LRRTM3: variants seen among roughly 807,000 people sequenced by gnomAD.
The protein encoded by LRRTM3 is leucine-rich repeat transmembrane neuronal protein 3.
A neutral mutation model predicts 44.7 loss-of-function variants in LRRTM3; 24 were observed. That is an observed-to-expected ratio of 0.54 (90% CI 0.39 to 0.76). The LOEUF (loss-of-function observed/expected upper bound fraction) is 0.76. Ranked by LOEUF, LRRTM3 falls within the 30% of genes least tolerant of loss-of-function variation. The pLI is 0.00. For missense variants in LRRTM3, 587 were observed against 702.2 expected (o/e 0.84, Z 1.85); for synonymous variants, 277 against 278.7 (o/e 0.99, Z 0.06).
chr10:66,949,019 T>G (rs1207829936), intron 2 of LRRTM3, among the ~76,000 whole-genome samples: 2 of 152,196 alleles, frequency 1.3e-5, no homozygotes, highest in Non-Finnish European at 2.9e-5. Flanking sequence ...TAGGAGACTC[T>G]GGAAAAAGCA....
chr10:66,972,713 T>C (rs1290254321), intron 2 of LRRTM3, among the ~76,000 whole-genome samples: 1 of 149,114 alleles, frequency 6.7e-6, no homozygotes, highest in Non-Finnish European at 1.5e-5. Flanking sequence ...TTTTTTTTTT[T>C]TTTTTTTTTT....
intron 2 of LRRTM3, among the ~76,000 whole-genome samples, chr10:66,970,794 C>A (rs565590834): frequency 1.8e-4 from 27 of 152,052 alleles, no homozygotes; most frequent in African/African-American, 6.0e-4. Flanking sequence ...TTGAATTATA[C>A]CAAAAAAGAG....
chr10:66,951,375 C>T (rs1027174535), intron 2 of LRRTM3, among the ~76,000 whole-genome samples: 31 of 152,190 alleles, frequency 2.0e-4, no homozygotes, highest in Non-Finnish European at 3.7e-4. Context: ...CTCTGCCTCC[C>T]AGAGTGCTGG....
At chr10:66,976,490 A>G (rs1360474033) in intron 2 of LRRTM3, among the ~76,000 whole-genome samples, 6 of 152,160 alleles carry the variant, frequency 3.9e-5, no homozygotes, top group Non-Finnish European at 8.8e-5. Context: ...CAATAGCCTC[A>G]TTACTAGCCT....
At chr10:67,012,612 T>C (rs1020371676) in intron 2 of LRRTM3, among the ~76,000 whole-genome samples, 7 of 152,276 alleles carry the variant, frequency 4.6e-5, no homozygotes, top group Non-Finnish European at 1.0e-4. Flanking sequence ...CCTACGAAGA[T>C]AAAAATTATC....
At chr10:66,962,955 A>G (rs1450276531) in intron 2 of LRRTM3, among the ~76,000 whole-genome samples, 1 of 150,868 alleles carries the variant, frequency 6.6e-6, no homozygotes, top group Non-Finnish European at 1.5e-5. Context: ...ATAAGGCAAG[A>G]ATTCAATAAG....
intron 2 of LRRTM3, among the ~76,000 whole-genome samples, chr10:67,072,526 C>T (rs978595505): frequency 1.3e-5 from 2 of 152,116 alleles, no homozygotes; most frequent in East Asian, 1.9e-4. Context: ...TTCTCACTTT[C>T]GATATTAAGC....
intron 2 of LRRTM3, among the ~76,000 whole-genome samples, chr10:67,087,693 A>G (rs1019371767): frequency 6.6e-6 from 1 of 151,984 alleles, no homozygotes; most frequent in Non-Finnish European, 1.5e-5. Flanking sequence ...TCTACCTCTA[A>G]GCTAATGTCA....
intron 2 of LRRTM3, among the ~76,000 whole-genome samples, chr10:66,967,945 TG>T (rs1456330503): frequency 1.3e-5 from 2 of 152,146 alleles, no homozygotes; most frequent in Non-Finnish European, 2.9e-5. Context: ...CATTTAGGAA[TG>T]CTTTTTGATG....
intron 2 of LRRTM3, among the ~76,000 whole-genome samples, chr10:67,072,945 G>A (rs2131853361): frequency 6.6e-6 from 1 of 151,768 alleles, no homozygotes; most frequent in East Asian, 1.9e-4. Context: ...AGAAAGATGT[G>A]TGTTTTAGAT....
At chr10:67,014,773 A>G (rs879762055) in intron 2 of LRRTM3, among the ~76,000 whole-genome samples, 24 of 151,764 alleles carry the variant, frequency 1.6e-4, no homozygotes, top group Non-Finnish European at 2.2e-4. Context: ...CATTTATCAG[A>G]AAAAAAACAG....
At chr10:67,086,162 T>G (rs527694069) in intron 2 of LRRTM3, among the ~76,000 whole-genome samples, 228 of 152,030 alleles carry the variant, frequency 1.5e-3, no homozygotes, top group African/African-American at 5.2e-3. Context: ...AACAGTATAT[T>G]TTTTTTCATA....
At chr10:67,024,598 A>G (rs1157937379) in intron 2 of LRRTM3, among the ~76,000 whole-genome samples, 2 of 152,192 alleles carry the variant, frequency 1.3e-5, no homozygotes, top group Non-Finnish European at 2.9e-5. Flanking sequence ...TCATTTTCCT[A>G]ACTTTGAAAG....
intron 2 of LRRTM3, among the ~76,000 whole-genome samples, chr10:67,044,097 T>A (rs1220221013): frequency 6.6e-6 from 1 of 151,920 alleles, no homozygotes; most frequent in Non-Finnish European, 1.5e-5. Flanking sequence ...CCCTCCTCCC[T>A]CTTTCCCCCC....
At chr10:66,934,112 T>G (rs536446286) in intron 2 of LRRTM3, among the ~76,000 whole-genome samples, 14 of 152,256 alleles carry the variant, frequency 9.2e-5, no homozygotes, top group Admixed American at 5.9e-4. Context: ...ACCAAGCAAG[T>G]ACAATGTATT....
chr10:66,969,341 C>T (rs1389349320), intron 2 of LRRTM3, among the ~76,000 whole-genome samples: 3 of 151,996 alleles, frequency 2.0e-5, no homozygotes, highest in African/African-American at 7.3e-5. Flanking sequence ...AAAACTTCTT[C>T]AAAATCATGA....
intron 2 of LRRTM3, among the ~76,000 whole-genome samples, chr10:66,988,187 T>C (rs1850843031): frequency 6.6e-6 from 1 of 152,144 alleles, no homozygotes; most frequent in Non-Finnish European, 1.5e-5. Context: ...GGTTTCCTAA[T>C]CTTCAAACTC....
intron 2 of LRRTM3, among the ~76,000 whole-genome samples, chr10:67,013,289 A>C (rs1464381417): frequency 6.6e-6 from 1 of 151,728 alleles, no homozygotes; most frequent in Non-Finnish European, 1.5e-5. Context: ...TTCAAAATTA[A>C]AGTTGTATAT....
chr10:67,096,216 T>G (rs76693607), intron 2 of LRRTM3, among the ~76,000 whole-genome samples: 1 of 151,846 alleles, frequency 6.6e-6, no homozygotes, highest in Non-Finnish European at 1.5e-5. Context: ...TTTATTTTTT[T>G]GATTACTTTT....
Sources: allele counts gnomAD v4.1 joint callset (sites outside exome capture counted in the v4.1 genomes callset), GRCh38; gene constraint gnomAD v4.1.1; transcripts MANE v1.5; gene names NCBI Gene and HGNC (gene_info 2026-07-23, HGNC 2026-07-21).